The following TM9SF3 variants were observed in gnomAD, a reference collection of about 807,000 sequenced individuals.
The protein encoded by TM9SF3 is transmembrane 9 superfamily member 3.
TM9SF3 carries 14 observed loss-of-function variants against 78.6 expected under a neutral mutation model. The observed-to-expected ratio is 0.18, with a 90% CI of 0.12 to 0.28. The LOEUF (loss-of-function observed/expected upper bound fraction) is 0.28, where lower values mean the gene tolerates loss of function less well. Ranked by LOEUF, TM9SF3 falls within the 10% of genes least tolerant of loss-of-function variation. TM9SF3 has a pLI of 1.00. For missense variants in TM9SF3, 496 were observed against 721.9 expected (o/e 0.69, Z 3.59); for synonymous variants, 231 against 241.7 (o/e 0.96, Z 0.41).
At chr10:96,551,183 T>C in intron 7 of TM9SF3, 62 bp downstream of exon 7, 11 of 1,318,380 alleles carry the variant, frequency 8.3e-6, no homozygotes, top group Non-Finnish European at 1.1e-5. Flanking sequence ...CTTAAAAGAT[T>C]CCAGTGATTA....
chr10:96,554,752 T>A (rs750484534), intron 5 of TM9SF3, among the ~76,000 whole-genome samples: 43 of 152,178 alleles, frequency 2.8e-4, no homozygotes, highest in Non-Finnish European at 7.3e-5. Context: ...TCCACTTGAA[T>A]GTTTCTGGAA....
intron 1 of TM9SF3, 75 bp downstream of exon 1, chr10:96,586,659 A>G: frequency 8.6e-7 from 1 of 1,164,386 alleles, no homozygotes; most frequent in Non-Finnish European, 1.1e-6. Flanking sequence ...CGGGCACTCC[A>G]GGCTGCGTGG....
Position 96,565,304 on chromosome 10 carries a change from C to T in TM9SF3, c.421G>A (p.Gly141Ser). 1.3e-6 allele frequency: 2 copies of T among 1,533,562 alleles called. No homozygotes were observed. The highest frequency in any genetic ancestry group is 1.7e-6 in the Non-Finnish European group (2 of 1,152,028). 95.0% of individuals were successfully genotyped at this position (1,533,562 alleles called of 1,614,324 possible). The change falls in exon 3 of 15, where the codon GGT becomes AGT. Residue 141 changes from glycine to serine, a missense_variant and splice_region_variant. Gly to Ser is a moderately conservative substitution (Grantham distance 56, BLOSUM62 0). Around this residue, in one of 4 missense-constraint regions of TM9SF3, gnomAD observed 155 missense variants for 241.6 expected, o/e 0.64. Transcript: ENST00000371142. ...QMYIDDLPIW[G>S]IVGEADENGE... ...CTTAAATACAACATACAATACTTAC[C>T]CCATATTGGTAAATCATCTATGTAC...
intron 9 of TM9SF3, among the ~76,000 whole-genome samples, chr10:96,537,335 AATATGCT>A (rs2134134861): frequency 6.6e-6 from 1 of 152,374 alleles, no homozygotes; most frequent in East Asian, 1.9e-4. Context: ...TCAGTACAAT[AATATGCT>A]GTACAGGTCT....
intron 2 of TM9SF3, among the ~76,000 whole-genome samples, chr10:96,572,806 G>C (rs769374440): frequency 1.3e-5 from 2 of 151,974 alleles, no homozygotes; most frequent in South Asian, 4.2e-4. Context: ...GTGAGCCACC[G>C]CGCCTGGCCC....
rs74863523 is a variant in TM9SF3, at chr10:96,521,835, C to A, written c.*428G>T. ...GAAAAAAGTAATCTTTCTGGAACAT[C>A]ATTTTTCAATAACATAGAAACACTA... On this transcript the variant is annotated 3_prime_UTR_variant, in exon 15 of 15. Coordinates refer to ENST00000371142, the MANE Select transcript of TM9SF3 (RefSeq NM_020123.4). 7.9e-3 allele frequency: 1,218 copies of A among 153,992 alleles called. 21 individuals carry two copies. The highest frequency in any genetic ancestry group is 0.028 in the African/African-American group (1,162 of 41,522). The allele number at this position is 153,992 out of a possible 1,614,324, so 9.5% of individuals were successfully genotyped here. A position where few individuals can be genotyped will look rare whatever the true frequency, so the allele number is the denominator to read the frequency against.
intron 8 of TM9SF3, among the ~76,000 whole-genome samples, chr10:96,546,266 A>C (rs144756976): frequency 6.6e-6 from 1 of 152,332 alleles, no homozygotes; most frequent in African/African-American, 2.4e-5. Context: ...AGATCTCCTC[A>C]GGACACTACC....
chr10:96,583,080 CA>C (rs113343282), intron 1 of TM9SF3, among the ~76,000 whole-genome samples: 124 of 78,582 alleles, frequency 1.6e-3, no homozygotes, highest in Non-Finnish European at 1.8e-3. Flanking sequence ...AACATAGTCT[CA>C]AAAAAAAAAA....
intron 5 of TM9SF3, among the ~76,000 whole-genome samples, chr10:96,559,170 C>CAT (rs1448880897): frequency 3.9e-5 from 6 of 152,158 alleles, no homozygotes; most frequent in African/African-American, 1.4e-4. Context: ...CCTTCTGATG[C>CAT]ATACATTCTG....
intron 11 of TM9SF3, among the ~76,000 whole-genome samples, chr10:96,529,185 C>T (rs1008369421): frequency 6.6e-6 from 1 of 152,106 alleles, no homozygotes; most frequent in African/African-American, 2.4e-5. Flanking sequence ...CTTTAATAAA[C>T]CACGAGTTAC....
At chr10:96,539,852 C>T (rs1848002033) in intron 9 of TM9SF3, among the ~76,000 whole-genome samples, 1 of 152,082 alleles carries the variant, frequency 6.6e-6, no homozygotes, top group South Asian at 2.1e-4. Context: ...TCATCACCAC[C>T]ACCAGCACAG....
chr10:96,585,504 T>C (rs1247991817), intron 1 of TM9SF3, among the ~76,000 whole-genome samples: 1 of 152,202 alleles, frequency 6.6e-6, no homozygotes, highest in Non-Finnish European at 1.5e-5. Flanking sequence ...CAATTCGAGA[T>C]TTGTGTCTCT....
At chr10:96,577,683 T>C (rs572775719) in intron 1 of TM9SF3, 20 of 152,358 alleles carry the variant, frequency 1.3e-4, no homozygotes, top group Non-Finnish European at 2.6e-4. Context: ...AATCAACTAA[T>C]AGTGCAGACA....
At chr10:96,568,136 G>A (rs1212272587) in intron 2 of TM9SF3, among the ~76,000 whole-genome samples, 2 of 152,192 alleles carry the variant, frequency 1.3e-5, no homozygotes, top group Non-Finnish European at 2.9e-5. Context: ...CAGGCAGGTA[G>A]ACAAATACAA....
chr10:96,537,567 T>A (rs1847974399), intron 9 of TM9SF3, among the ~76,000 whole-genome samples: 1 of 152,206 alleles, frequency 6.6e-6, no homozygotes, highest in South Asian at 2.1e-4. Flanking sequence ...GCATGGTGGC[T>A]CATGCCTGTA....
rs186879242 is a variant in TM9SF3, at chr10:96,561,865, T to C, written c.582+113A>G. ...CTGAGAAAATATAGTTTTAATAATA[T>C]TCTGTTGCATCCCATTTCAAGCTAC... On this transcript the variant is annotated intron_variant, in intron 4 of 14. Coordinates refer to ENST00000371142, the MANE Select transcript of TM9SF3 (RefSeq NM_020123.4). 74 of 847,992 alleles carry C rather than the reference T, an allele frequency of 8.7e-5. No homozygotes were observed. The Admixed American group carries it at 1.9e-3, about 22-fold the overall frequency. The allele number at this position is 847,992 out of a possible 1,614,324, so 52.5% of individuals were successfully genotyped here.
intron 1 of TM9SF3, among the ~76,000 whole-genome samples, chr10:96,579,500 T>C (rs1264593227): frequency 6.6e-6 from 1 of 152,206 alleles, no homozygotes; most frequent in East Asian, 1.9e-4. Context: ...AGGACTAAAA[T>C]AATTTAAGGG....
intron 3 of TM9SF3, among the ~76,000 whole-genome samples, chr10:96,564,329 T>C (rs772922450): frequency 6.6e-6 from 1 of 152,154 alleles, no homozygotes; most frequent in African/African-American, 2.4e-5. Context: ...CCCAAACCAA[T>C]GGGTTTCCCT....
chr10:96,528,113 C>G lies in TM9SF3; in HGVS notation c.1459G>C (p.Val487Leu). 6.2e-7 allele frequency: 1 copy of G among 1,612,872 alleles called. No individual in the cohort carries two copies. Among genetic ancestry groups the G allele is most frequent in the Non-Finnish European group, 8.5e-7 (1 of 1,179,128 alleles). Residue 487 changes from valine to leucine, a missense_variant, in exon 12 of 15, where the codon GTG becomes CTG. Physicochemically the swap from Val to Leu is conservative, Grantham distance 32 (BLOSUM62 1). Transcript: ENST00000371142. The stretch of plus-strand genomic sequence containing the variant: ...GTCACAATGCACAGGATAACCAGCA[C>G]CAGCATCATGAAGCCATAGACATAA... ...IYYVYGFMML[V>L]LVILCIVTVC... is the part of the protein sequence containing the mutation.
Sources: gnomAD v4.1 joint callset for allele counts (sites outside exome capture counted in the v4.1 genomes callset) on GRCh38, gnomAD v4.1.1 for gene constraint, gnomAD v4.1.1 regional missense constraint, MANE v1.5 for transcripts, NCBI Gene and HGNC (gene_info 2026-07-23, HGNC 2026-07-21) for gene names.